ANK3: variants seen among roughly 807,000 people sequenced by gnomAD.
The protein encoded by ANK3 is ankyrin-3.
A neutral mutation model predicts 370.9 loss-of-function variants in ANK3; 57 were observed. The observed-to-expected ratio is 0.15, with a 90% confidence interval of 0.12 to 0.19. ANK3 has a LOEUF of 0.19. Ranked by LOEUF, ANK3 falls within the 10% of genes least tolerant of loss-of-function variation. ANK3 has a pLI of 1.00. For missense variants in ANK3, 4,439 were observed against 5,302.1 expected (o/e 0.84, Z 5.06); for synonymous variants, 1,929 against 1,946.3 (o/e 0.99, Z 0.23).
At chr10:60,280,274 G>C (rs565223227) in intron 1 of ANK3, among the ~76,000 whole-genome samples, 5 of 152,180 alleles carry the variant, frequency 3.3e-5, no homozygotes, top group African/African-American at 1.2e-4. Context: ...TCCCAGGCTG[G>C]TCTTGAACTC....
At chr10:60,710,979 G>C (rs1371818693) in intron 1 of ANK3, among the ~76,000 whole-genome samples, 1 of 152,176 alleles carries the variant, frequency 6.6e-6, no homozygotes, top group African/African-American at 2.4e-5. Flanking sequence ...AATGGGGAGG[G>C]CCAGCTACTT....
intron 2 of ANK3, among the ~76,000 whole-genome samples, chr10:60,447,113 C>T (rs1261924174): frequency 6.6e-6 from 1 of 152,152 alleles, no homozygotes; most frequent in Non-Finnish European, 1.5e-5. Context: ...GCCACACGGC[C>T]ACATCCCAGG....
At chr10:60,176,225 C>A (rs546245661) in intron 18 of ANK3, among the ~76,000 whole-genome samples, 11 of 149,702 alleles carry the variant, frequency 7.3e-5, no homozygotes, top group African/African-American at 1.7e-4. Context: ...ATTAGCCGGG[C>A]GTGGTGGCAT....
intron 7 of ANK3, among the ~76,000 whole-genome samples, chr10:60,246,022 G>A (rs539706474): frequency 2.6e-5 from 4 of 152,170 alleles, no homozygotes; most frequent in Non-Finnish European, 4.4e-5. Context: ...TTGGGAGGCC[G>A]AGGTAGATGG....
At chr10:60,286,194 T>C (rs551617222) in intron 1 of ANK3, among the ~76,000 whole-genome samples, 1 of 152,272 alleles carries the variant, frequency 6.6e-6, no homozygotes, top group East Asian at 1.9e-4. Context: ...CTTGAGTGGT[T>C]CTCCTAAGGC....
intron 1 of ANK3, among the ~76,000 whole-genome samples, chr10:60,695,126 C>A (rs2079425623): frequency 6.6e-6 from 1 of 151,730 alleles, no homozygotes; most frequent in African/African-American, 2.4e-5. Flanking sequence ...GACTTTAAAC[C>A]AACAAAGATC....
At chr10:60,355,699 C>A (rs574966393) in intron 1 of ANK3, among the ~76,000 whole-genome samples, 2 of 152,106 alleles carry the variant, frequency 1.3e-5, no homozygotes, top group African/African-American at 4.8e-5. Context: ...CTTTGTTTGT[C>A]GATTATAAGG....
At chr10:60,612,131 G>T (rs1595349133) in intron 2 of ANK3, among the ~76,000 whole-genome samples, 2 of 152,100 alleles carry the variant, frequency 1.3e-5, no homozygotes, top group Admixed American at 1.3e-4. Flanking sequence ...TTTCCGCAGA[G>T]GCCCCAGACA....
At chr10:60,611,124 C>G (rs2078195812) in intron 2 of ANK3, among the ~76,000 whole-genome samples, 2 of 152,150 alleles carry the variant, frequency 1.3e-5, no homozygotes, top group African/African-American at 4.8e-5. Flanking sequence ...ATTTCTAACA[C>G]ATTTGTTAAA....
intron 1 of ANK3, among the ~76,000 whole-genome samples, chr10:60,363,499 T>G (rs2058945742): frequency 6.6e-6 from 1 of 152,182 alleles, no homozygotes; most frequent in South Asian, 2.1e-4. Flanking sequence ...ATAGGGAAGA[T>G]TCCATAGAAT....
chr10:60,055,452 C>A (rs1468316720), intron 42 of ANK3, among the ~76,000 whole-genome samples: 1 of 152,046 alleles, frequency 6.6e-6, no homozygotes, highest in Admixed American at 6.5e-5. Flanking sequence ...AACGAAATGG[C>A]ATACATTTTA....
At chr10:60,036,492 G>A (rs2075028923) in intron 43 of ANK3, among the ~76,000 whole-genome samples, 2 of 135,546 alleles carry the variant, frequency 1.5e-5, no homozygotes, top group South Asian at 4.9e-4. Flanking sequence ...CTGGAGTGCA[G>A]TGGCAAGATC....
At chr10:60,090,190 C>T (rs747080734) in intron 28 of ANK3, among the ~76,000 whole-genome samples, 8 of 152,052 alleles carry the variant, frequency 5.3e-5, no homozygotes, top group African/African-American at 9.6e-5. Context: ...TGGTGGCATG[C>T]GCCTGTAATC....
rs1307936609 is a variant in ANK3, at chr10:60,692,971, T to C, written c.57+40292A>G. On this transcript the variant is annotated intron_variant, in intron 1 of 43. Transcript: ENST00000373827. ...TTAAGATTATAATAGGGGTGATTTC[T>C]GCATTTCCATCTGAGGTACCGGGTT... 2.6e-5 allele frequency among the ~76,000 whole-genome samples: 4 copies of C among 152,372 alleles called. No individual in the cohort carries two copies. The South Asian group carries it at 8.3e-4, about 32-fold the overall frequency.
Position 60,069,914 on chromosome 10 carries a change from G to C in ANK3, c.10967C>G (p.Ala3656Gly). 6.2e-7 allele frequency: 1 copy of C among 1,613,882 alleles called. No homozygotes were observed. Among genetic ancestry groups the C allele is most frequent in the Non-Finnish European group, 8.5e-7 (1 of 1,179,936 alleles). ...QGEGDKSMVT[A>G]TPQPQSGDTT... ...GTCCCCTGACTGTGGCTGTGGTGTG[G>C]CAGTGACCATACTTTTATCCCCTTC... Residue 3656 changes from alanine (A) to glycine (G), a missense_variant, in exon 37 of 44, where the codon GCC becomes GGC. By Grantham distance (60) the Ala-to-Gly change is moderately conservative. This residue lies in a region of ANK3 where 496 missense variants were observed against 529.3 expected (regional missense o/e 0.94). Coordinates refer to ENST00000280772, the MANE Select transcript of ANK3 (RefSeq NM_020987.5).
chr10:60,059,248 T>C (rs2079847400), intron 41 of ANK3, 92 bp downstream of exon 41: 1 of 1,096,364 alleles, frequency 9.1e-7, no homozygotes, highest in Non-Finnish European at 1.4e-6. Flanking sequence ...AGAATGGTAA[T>C]TTAGAAGAAG....
At position 60,414,280 on chromosome 10, in the gene ANK3, T is replaced by A. The variant is rs111479528; in HGVS notation, c.97-134641A>T. The stretch of plus-strand genomic sequence containing the variant: ...TTCCCAGCAAGTCCACTAACCCACT[T>A]CCTGCTGGGGAGGGCAGCACTGAAC... On this transcript the variant is annotated intron_variant, in intron 2 of 43. Coordinates refer to the ANK3 transcript ENST00000373827. Among the ~76,000 whole-genome samples the A allele has an allele frequency of 3.3e-5, 5 of 152,278 alleles. 1 individual carries two copies. The highest frequency in any genetic ancestry group is 1.2e-4 in the African/African-American group (5 of 41,564).
At chr10:60,448,561 T>C (rs918791199) in intron 2 of ANK3, among the ~76,000 whole-genome samples, 9 of 152,244 alleles carry the variant, frequency 5.9e-5, no homozygotes, top group African/African-American at 1.7e-4. Flanking sequence ...CTTCTTTTAC[T>C]ACTTGCCTTC....
At chr10:60,658,977 G>A (rs141752004) in intron 1 of ANK3, among the ~76,000 whole-genome samples, 7 of 150,546 alleles carry the variant, frequency 4.6e-5, no homozygotes, top group Non-Finnish European at 8.9e-5. Flanking sequence ...GAAGGGGAAG[G>A]GACGGGAGGG....
Sources: allele counts gnomAD v4.1 joint callset (sites outside exome capture counted in the v4.1 genomes callset), GRCh38; gene constraint gnomAD v4.1.1; regional missense constraint gnomAD v4.1.1; transcripts MANE v1.5; gene names NCBI Gene and HGNC (gene_info 2026-07-23, HGNC 2026-07-21).